LARP1B: variants seen among roughly 807,000 people sequenced by gnomAD.
The protein encoded by LARP1B is La ribonucleoprotein 1B.
Under a neutral mutation model 114.2 loss-of-function variants are expected in LARP1B, and 76 were observed. The ratio of observed to expected loss-of-function variants is 0.67; its 90% CI spans 0.55 to 0.81. The LOEUF is 0.81. LARP1B is among the 30% of genes least tolerant of loss of function. The pLI is 0.00. For missense variants in LARP1B, 1,014 were observed against 1,075.8 expected (o/e 0.94, Z 0.80); for synonymous variants, 345 against 348.0 (o/e 0.99, Z 0.10).
chr4:128,145,992 GTTAAA>G lies in LARP1B; in HGVS notation c.1525-16194_1525-16190del, dbSNP rs573925938. Among the ~76,000 whole-genome samples the G allele has an allele frequency of 5.9e-5, 9 of 152,276 alleles. No homozygotes were observed. In the South Asian group the frequency reaches 1.5e-3, roughly 25 times the overall value. ...CATGAATTCACACATCACTATTGGT[GTTAAA>G]TTAAATTGTTACAACCAACTTTAGT... On this transcript the variant is annotated intron_variant, in intron 11 of 19. Coordinates refer to ENST00000326639, the MANE Select transcript of LARP1B (RefSeq NM_018078.4).
chr4:128,178,761 T>A, intron 14 of LARP1B, 119 bp downstream of exon 14: 2 of 837,492 alleles, frequency 2.4e-6, no homozygotes, highest in South Asian at 1.8e-5. Flanking sequence ...ATATTTCACT[T>A]AAAAATCATA....
At chr4:128,061,657 G>A (rs1348029605) in intron 1 of LARP1B, 2 of 983,630 alleles carry the variant, frequency 2.0e-6, no homozygotes, top group African/African-American at 3.5e-5. Flanking sequence ...CCTGGCCTCG[G>A]GGCCACCCCG....
At chr4:128,214,456 G>A (rs577551303), downstream of LARP1B, among the ~76,000 whole-genome samples, 4,335 of 151,560 alleles carry the variant, frequency 0.029, 99 homozygotes, top group Middle Eastern at 0.078. Context: ...CTGGAGATCT[G>A]AGAACTGGCA....
At chr4:128,128,960 C>T (rs1452827550) in intron 11 of LARP1B, among the ~76,000 whole-genome samples, 2 of 151,784 alleles carry the variant, frequency 1.3e-5, no homozygotes, top group Admixed American at 6.6e-5. Context: ...GTCAGGAGAT[C>T]GAGACCACCC....
At chr4:128,071,783 G>A (rs1765474696) in intron 1 of LARP1B, among the ~76,000 whole-genome samples, 1 of 149,146 alleles carries the variant, frequency 6.7e-6, no homozygotes. Context: ...ATGATAAGAT[G>A]TGAAATATTG....
chr4:128,068,642 G>A (rs990285575), intron 1 of LARP1B, among the ~76,000 whole-genome samples: 2 of 151,382 alleles, frequency 1.3e-5, no homozygotes, highest in Non-Finnish European at 2.9e-5. Flanking sequence ...AATTCTTGGC[G>A]GCCTCAAAGG....
At chr4:128,221,578 T>G (rs1760039050) in intron 7 of LARP1B, among the ~76,000 whole-genome samples, 1 of 152,220 alleles carries the variant, frequency 6.6e-6, no homozygotes, top group Non-Finnish European at 1.5e-5. Context: ...CAGATAGTGT[T>G]CCAAGTCTAC....
chr4:128,184,316 C>T (rs189820256), intron 15 of LARP1B, among the ~76,000 whole-genome samples: 10 of 152,278 alleles, frequency 6.6e-5, no homozygotes, highest in Admixed American at 1.3e-4. Context: ...CAGCAACCAC[C>T]GCTCTGATCA....
chr4:128,065,338 T>C lies in LARP1B; in HGVS notation c.-78+3937T>C, dbSNP rs1340713667. ...CTTTCTCTCTCTCTCTCTCTTTCCT[T>C]TCTTTTCTTTTCTTTTCTTTTCTTT... On this transcript the variant is annotated intron_variant, in intron 1 of 19. Coordinates refer to ENST00000326639, the MANE Select transcript of LARP1B (RefSeq NM_018078.4). 2.2e-3 allele frequency among the ~76,000 whole-genome samples: 229 copies of C among 102,742 alleles called. 1 individual carries two copies. Among genetic ancestry groups the C allele is most frequent in the African/African-American group, 2.9e-3 (67 of 22,968 alleles). 67.4% of individuals were successfully genotyped at this position (102,742 alleles called of 152,430 possible). A position where few individuals can be genotyped will look rare whatever the true frequency, so the allele number is the denominator to read the frequency against.
chr4:128,206,007 C>T (rs1262755737), intron 17 of LARP1B, among the ~76,000 whole-genome samples: 1 of 152,064 alleles, frequency 6.6e-6, no homozygotes, highest in East Asian at 1.9e-4. Flanking sequence ...AATCTGCATA[C>T]CGGCCGGGCG....
chr4:128,208,431 C>T (rs1758177698), intron 19 of LARP1B, among the ~76,000 whole-genome samples: 1 of 151,872 alleles, frequency 6.6e-6, no homozygotes, highest in African/African-American at 2.4e-5. Flanking sequence ...TGTAATTTGT[C>T]TTGCAGTTTT....
chr4:128,091,290 T>C, intron 6 of LARP1B, 57 bp from the exon 7 acceptor site: 1 of 1,527,328 alleles, frequency 6.5e-7, no homozygotes, highest in African/African-American at 1.4e-5. Flanking sequence ...ACTTTATCCG[T>C]AGTAACTATT....
At chr4:128,192,946 C>G (rs1578559311) in intron 15 of LARP1B, among the ~76,000 whole-genome samples, 1 of 152,056 alleles carries the variant, frequency 6.6e-6, no homozygotes, top group Non-Finnish European at 1.5e-5. Flanking sequence ...AGTCCTCCCA[C>G]CTTAACCTCA....
chr4:128,200,164 A>G (rs1486007988), intron 16 of LARP1B, among the ~76,000 whole-genome samples: 2 of 152,348 alleles, frequency 1.3e-5, no homozygotes, highest in South Asian at 2.1e-4. Context: ...GAGTCAAAAA[A>G]TGGGTTAGCA....
intron 1 of LARP1B, among the ~76,000 whole-genome samples, chr4:128,071,955 T>C (rs1765536824): frequency 6.6e-6 from 1 of 151,892 alleles, no homozygotes; most frequent in African/African-American, 2.4e-5. Flanking sequence ...TATTTCCTTG[T>C]AGGTCCCAGG....
At chr4:128,144,750 A>G (rs1418215291) in intron 11 of LARP1B, among the ~76,000 whole-genome samples, 1 of 152,118 alleles carries the variant, frequency 6.6e-6, no homozygotes, top group East Asian at 1.9e-4. Flanking sequence ...CCGTCCAAGT[A>G]AAAGTTTTTC....
chr4:128,114,830 A>G (rs1785240760), intron 10 of LARP1B, 88 bp downstream of exon 10: 1 of 1,229,642 alleles, frequency 8.1e-7, no homozygotes, highest in African/African-American at 1.5e-5. Context: ...TACATATGTA[A>G]AATTTGGAAA....
intron 5 of LARP1B, among the ~76,000 whole-genome samples, chr4:128,082,958 C>G (rs1257122496): frequency 1.3e-5 from 2 of 151,482 alleles, no homozygotes; most frequent in Admixed American, 1.3e-4. Context: ...GCAGAGGACC[C>G]TGCGGCCTTC....
Position 128,210,012 on chromosome 4 carries a change from A to G in LARP1B, c.2704A>G (p.Arg902Gly), listed in dbSNP as rs1187941127. 12 of 1,614,160 alleles carry G rather than the reference A, an allele frequency of 7.4e-6. No individual in the cohort carries two copies. In the South Asian group the frequency reaches 1.3e-4, roughly 18 times the overall value. ...GCTTCAGGTACCAATAAACTCTCCC[A>G]GAAGGAATATTTCACCGGAGTCCAG... ...SELQVPINSP[R>G]RNISPESSDN... The change falls in exon 20 of 20, where the codon AGA becomes GGA. Residue 902 changes from arginine (R) to glycine (G), a missense_variant. Physicochemically the swap from Arg to Gly is moderately radical, Grantham distance 125. Transcript: ENST00000326639.
Sources: allele counts gnomAD v4.1 joint callset (sites outside exome capture counted in the v4.1 genomes callset), GRCh38; gene constraint gnomAD v4.1.1; transcripts MANE v1.5; gene names NCBI Gene and HGNC (gene_info 2026-07-23, HGNC 2026-07-21).